The following EPM2A variants were observed in gnomAD, a reference collection of about 807,000 sequenced individuals.
The protein encoded by EPM2A is laforin.
A neutral mutation model predicts 26.5 loss-of-function variants in EPM2A; 21 were observed. The ratio of observed to expected loss-of-function variants is 0.79; its 90% CI spans 0.56 to 1.14. The LOEUF is 1.14. Among genes scored for constraint, EPM2A ranks in the 50% most tolerant of loss-of-function variants. The pLI is 0.00. For missense variants in EPM2A, 458 were observed against 440.8 expected (o/e 1.04, Z -0.35); for synonymous variants, 217 against 177.6 (o/e 1.22, Z -1.76).
chr6:145,511,270 C>T (rs1224205927), intron 2 of EPM2A, among the ~76,000 whole-genome samples: 1 of 152,114 alleles, frequency 6.6e-6, no homozygotes, highest in Non-Finnish European at 1.5e-5. Flanking sequence ...CTAGTATCAT[C>T]CTGACGTCAA....
intron 4 of EPM2A, among the ~76,000 whole-genome samples, chr6:145,417,208 C>A (rs751451695): frequency 1.3e-5 from 2 of 152,190 alleles, no homozygotes; most frequent in African/African-American, 4.8e-5. Flanking sequence ...TTAGCTGGCT[C>A]CTACTTAGCT....
chr6:145,489,032 G>A (rs1255868227), intron 4 of EPM2A, among the ~76,000 whole-genome samples: 2 of 152,090 alleles, frequency 1.3e-5, no homozygotes, highest in African/African-American at 4.8e-5. Context: ...GTTTTGAAAC[G>A]GCACATGGGT....
chr6:145,389,543 T>G (rs1330454102), intron 4 of EPM2A, among the ~76,000 whole-genome samples: 1 of 152,166 alleles, frequency 6.6e-6, no homozygotes, highest in East Asian at 1.9e-4. Context: ...GTTAACTCTC[T>G]TTTGCCTCGT....
At chr6:145,412,214 C>CAAAAA (rs11404849) in intron 4 of EPM2A, among the ~76,000 whole-genome samples, 2 of 114,062 alleles carry the variant, frequency 1.8e-5, no homozygotes, top group Admixed American at 8.8e-5. Context: ...GACTCTGTCT[C>CAAAAA]AAAAAAAAAA....
At chr6:145,720,462 T>C (rs1317117276) in intron 1 of EPM2A, among the ~76,000 whole-genome samples, 3 of 152,216 alleles carry the variant, frequency 2.0e-5, no homozygotes, top group Admixed American at 2.0e-4. Flanking sequence ...TGTCTTTTTG[T>C]ACAACATTCA....
intron 2 of EPM2A, among the ~76,000 whole-genome samples, chr6:145,548,332 T>G (rs899065217): frequency 5.9e-5 from 9 of 152,152 alleles, no homozygotes; most frequent in African/African-American, 2.2e-4. Context: ...GCTCTCTAAC[T>G]TCTATTAAGA....
chr6:145,612,669 G>C (rs1775416151), intron 2 of EPM2A, among the ~76,000 whole-genome samples: 2 of 148,652 alleles, frequency 1.3e-5, no homozygotes, highest in African/African-American at 4.9e-5. Context: ...GCTTATAAAA[G>C]CTATGTTTAT....
intron 4 of EPM2A, among the ~76,000 whole-genome samples, chr6:145,388,762 T>C (rs555885778): frequency 6.6e-6 from 1 of 152,172 alleles, no homozygotes; most frequent in African/African-American, 2.4e-5. Context: ...GAACATGCAG[T>C]GTTTGGTTTT....
At chr6:145,391,376 G>A (rs189383311) in intron 4 of EPM2A, among the ~76,000 whole-genome samples, 1 of 152,252 alleles carries the variant, frequency 6.6e-6, no homozygotes, top group Admixed American at 6.5e-5. Flanking sequence ...AGTTTACAGA[G>A]GCTGTGCACT....
At chr6:145,586,689 CA>C (rs1186763746) in intron 2 of EPM2A, among the ~76,000 whole-genome samples, 1 of 152,074 alleles carries the variant, frequency 6.6e-6, no homozygotes, top group Non-Finnish European at 1.5e-5. Context: ...TGGTGTTCCC[CA>C]AAACGATCCT....
chr6:145,518,617 A>G (rs984646315), intron 2 of EPM2A, among the ~76,000 whole-genome samples: 1 of 146,268 alleles, frequency 6.8e-6, no homozygotes, highest in Non-Finnish European at 1.5e-5. Flanking sequence ...AAAAAAAAAA[A>G]AAAAAACAAA....
intron 4 of EPM2A, among the ~76,000 whole-genome samples, chr6:145,456,162 G>A (rs1206315775): frequency 6.6e-6 from 1 of 152,120 alleles, no homozygotes; most frequent in African/African-American, 2.4e-5. Context: ...TGATTTATGA[G>A]GTAGAAGACC....
chr6:145,564,948 T>C (rs1178433208), intron 2 of EPM2A, among the ~76,000 whole-genome samples: 1 of 152,160 alleles, frequency 6.6e-6, no homozygotes, highest in Non-Finnish European at 1.5e-5. Context: ...ACTATAGGGC[T>C]TGGGCAGTTC....
chr6:145,564,601 T>TA (rs1413609589), intron 2 of EPM2A, among the ~76,000 whole-genome samples: 1 of 152,206 alleles, frequency 6.6e-6, no homozygotes, highest in African/African-American at 2.4e-5. Flanking sequence ...GTCTATTTGT[T>TA]ACACAAAATC....
Position 145,726,178 on chromosome 6 carries a change from G to A in EPM2A, c.301+9020C>T, listed in dbSNP as rs549007602. Reference sequence around the variant, plus strand: ...TAAAAATCACACACACAAAGATGGGGGGATGTCAAAGAGACACAAAAGAGA... The same window carrying A: ...TAAAAATCACACACACAAAGATGGGAGGATGTCAAAGAGACACAAAAGAGA... On this transcript the variant is annotated intron_variant, in intron 1 of 3. Transcript: ENST00000367519. Among the ~76,000 whole-genome samples, 783 of 152,006 alleles carry A rather than the reference G, an allele frequency of 5.2e-3. 6 individuals are homozygous for A. Among genetic ancestry groups the A allele is most frequent in the African/African-American group, 0.018 (746 of 41,490 alleles).
In EPM2A at chr6:145,625,821, CCCA is replaced by C. The variant is rs1170738069; in HGVS notation, c.*1592_*1594del. The C allele has an allele frequency of 4.5e-6, 7 of 1,547,822 alleles. No individual in the cohort carries two copies. The highest frequency in any genetic ancestry group is 4.8e-5 in the East Asian group (2 of 41,852). On this transcript the variant is annotated 3_prime_UTR_variant, in exon 4 of 4. Coordinates refer to ENST00000367519, the MANE Select transcript of EPM2A (RefSeq NM_005670.4). ...AACTTACCTTGTATCCTTCTTGTCC[CCCA>C]CGCCTTCTAAATAAGAGTCTCTTGC...
chr6:145,721,638 T>A (rs925988486), intron 1 of EPM2A: 1 of 152,180 alleles, frequency 6.6e-6, no homozygotes, highest in Non-Finnish European at 1.5e-5. Flanking sequence ...GCAAGCACAA[T>A]TCATTCTCAC....
intron 2 of EPM2A, among the ~76,000 whole-genome samples, chr6:145,596,692 C>A (rs958364): frequency 0.015 from 2,281 of 151,970 alleles, 27 homozygotes; most frequent in Middle Eastern, 0.034. Context: ...AAAAACATCT[C>A]TCCATATAAT....
intron 2 of EPM2A, among the ~76,000 whole-genome samples, chr6:145,672,106 A>G (rs773419133): frequency 3.8e-4 from 58 of 152,234 alleles, no homozygotes; most frequent in Non-Finnish European, 6.8e-4. Context: ...ATAAAAATGC[A>G]CATTGATTTT....
Sources: gnomAD v4.1 joint callset for allele counts (sites outside exome capture counted in the v4.1 genomes callset) on GRCh38, gnomAD v4.1.1 for gene constraint, MANE v1.5 for transcripts, NCBI Gene and HGNC (gene_info 2026-07-23, HGNC 2026-07-21) for gene names.